The following NTRK2 variants were observed in gnomAD, a reference collection of about 807,000 sequenced individuals.
The protein encoded by NTRK2 is neurotrophic receptor tyrosine kinase 2, also known as BDNF/NT-3 growth factors receptor.
A neutral mutation model predicts 94.5 loss-of-function variants in NTRK2; 13 were observed. The observed-to-expected ratio is 0.14, with a 90% confidence interval of 0.09 to 0.22. NTRK2 has a LOEUF of 0.22. Ranked by LOEUF, NTRK2 falls within the 10% of genes least tolerant of loss-of-function variation. The pLI is 1.00. For missense variants in NTRK2, 639 were observed against 1,071.2 expected, an observed-to-expected ratio of 0.60 and a Z score of 5.63; for synonymous variants, 372 against 407.4, an observed-to-expected ratio of 0.91 and a Z score of 1.05.
chr9:84,676,967 G>T (rs1051855183), intron 2 of NTRK2, among the ~76,000 whole-genome samples: 1 of 151,794 alleles, frequency 6.6e-6, no homozygotes, highest in Non-Finnish European at 1.5e-5. Flanking sequence ...GTGAGTGTGT[G>T]TGTGTGTGTG....
chr9:84,722,662 G>A (rs571528763), intron 6 of NTRK2, among the ~76,000 whole-genome samples: 11 of 152,082 alleles, frequency 7.2e-5, no homozygotes, highest in East Asian at 1.9e-4. Flanking sequence ...ACATGCCTAC[G>A]TGTAAAAATT....
intron 12 of NTRK2, among the ~76,000 whole-genome samples, chr9:84,806,997 C>T (rs181102703): frequency 3.3e-4 from 51 of 152,352 alleles, no homozygotes; most frequent in Admixed American, 1.8e-3. Context: ...CACCATGCCA[C>T]GCAGATGCTC....
At chr9:84,729,952 G>A (rs891462895) in intron 9 of NTRK2, among the ~76,000 whole-genome samples, 15 of 152,142 alleles carry the variant, frequency 9.9e-5, no homozygotes, top group Non-Finnish European at 1.6e-4. Flanking sequence ...CATTTTCATT[G>A]ATCATTTCTG....
At chr9:84,877,138 C>T in intron 14 of NTRK2, 1 of 1,064,886 alleles carries the variant, frequency 9.4e-7, no homozygotes, top group African/African-American at 1.6e-5. Context: ...TATGCTCTGC[C>T]ACTTCCTACA....
chr9:84,711,472 G>C (rs2061414524), intron 6 of NTRK2, among the ~76,000 whole-genome samples: 1 of 152,204 alleles, frequency 6.6e-6, no homozygotes, highest in Non-Finnish European at 1.5e-5. Context: ...TTCTGCTTAG[G>C]ATTTTACTAG....
chr9:84,904,637 A>C (rs967693347), intron 14 of NTRK2, among the ~76,000 whole-genome samples: 3 of 152,326 alleles, frequency 2.0e-5, no homozygotes, highest in Admixed American at 2.0e-4. Flanking sequence ...TATTCTGTGA[A>C]GGTGTATGGG....
intron 12 of NTRK2, among the ~76,000 whole-genome samples, chr9:84,759,883 A>C (rs1442508044): frequency 2.6e-5 from 4 of 152,212 alleles, no homozygotes; most frequent in African/African-American, 9.6e-5. Context: ...AAAGCTTTTC[A>C]GAATTTATGA....
At chr9:84,944,270 T>G (rs1281164153) in intron 15 of NTRK2, among the ~76,000 whole-genome samples, 2 of 149,088 alleles carry the variant, frequency 1.3e-5, no homozygotes, top group Non-Finnish European at 3.0e-5. Context: ...CATTCTTTTT[T>G]TTTTTTTTTT....
At chr9:84,994,496 C>T in intron 17 of NTRK2, among the ~76,000 whole-genome samples, 1 of 152,178 alleles carries the variant, frequency 6.6e-6, no homozygotes, top group East Asian at 1.9e-4. Context: ...GAGGCAGGTT[C>T]CCCAGGCAGT....
intron 9 of NTRK2, among the ~76,000 whole-genome samples, chr9:84,733,480 C>T (rs1166955980): frequency 6.6e-6 from 1 of 152,160 alleles, no homozygotes; most frequent in Non-Finnish European, 1.5e-5. Flanking sequence ...CCTGGGCTAC[C>T]CCTTGCAGCG....
chr9:84,687,123 A>G (rs1160707226), intron 2 of NTRK2, among the ~76,000 whole-genome samples: 1 of 152,114 alleles, frequency 6.6e-6, no homozygotes, highest in East Asian at 1.9e-4. Flanking sequence ...CCTGTTGCTC[A>G]GGCCGGTCTT....
At chr9:84,898,206 G>A (rs1447073435) in intron 14 of NTRK2, among the ~76,000 whole-genome samples, 1 of 152,072 alleles carries the variant, frequency 6.6e-6, no homozygotes, top group East Asian at 1.9e-4. Context: ...CTGACTTCTG[G>A]GCTTGCAGAA....
At chr9:84,678,094 A>G (rs921551876) in intron 2 of NTRK2, among the ~76,000 whole-genome samples, 3 of 152,214 alleles carry the variant, frequency 2.0e-5, no homozygotes, top group African/African-American at 7.2e-5. Flanking sequence ...TGTTTTCATC[A>G]ATACATAAAT....
chr9:84,908,255 G>T (rs1010542442), intron 14 of NTRK2, among the ~76,000 whole-genome samples: 11 of 152,228 alleles, frequency 7.2e-5, no homozygotes, highest in African/African-American at 2.4e-4. Flanking sequence ...ATGACTCAAT[G>T]AGCAAGAAAA....
intron 8 of NTRK2, among the ~76,000 whole-genome samples, chr9:84,726,753 A>T (rs2062489400): frequency 6.6e-6 from 1 of 152,178 alleles, no homozygotes; most frequent in South Asian, 2.1e-4. Flanking sequence ...TCTTCATCTG[A>T]AAAAAATGAT....
Position 84,867,224 on chromosome 9 carries a change from T to C in NTRK2, c.1445-19T>C. ...AAGCCATTGATTACAGGAGAATATA[T>C]ATATTTTTCCATCTCCAGGCCCAGC... On this transcript the variant is annotated intron_variant, in intron 13 of 18. Transcript: ENST00000277120. The C allele has an allele frequency of 1.2e-6, 2 of 1,612,040 alleles. No individual in the cohort carries two copies. The highest frequency in any genetic ancestry group is 1.7e-6 in the Non-Finnish European group (2 of 1,178,316).
At chr9:84,926,572 T>C (rs2077828316) in intron 14 of NTRK2, among the ~76,000 whole-genome samples, 1 of 152,076 alleles carries the variant, frequency 6.6e-6, no homozygotes, top group Non-Finnish European at 1.5e-5. Flanking sequence ...CTGCTGTTCC[T>C]CTTTTGGAAA....
chr9:84,878,512 T>G (rs1302539844), intron 14 of NTRK2, among the ~76,000 whole-genome samples: 1 of 151,844 alleles, frequency 6.6e-6, no homozygotes. Context: ...CTCATGCCAG[T>G]AGTCCCAGCT....
rs202164539 is a variant in NTRK2 at position 84,876,749 on chromosome 9, C to T, written c.1633+9318C>T. On this transcript the variant is annotated intron_variant, in intron 14 of 18. Transcript: ENST00000277120. Reference sequence around the variant, plus strand: ...TTTCATTAGTGCCATTTCCTGATATCTACAGAAACAATTATCAATACATGT... The same window carrying T: ...TTTCATTAGTGCCATTTCCTGATATTTACAGAAACAATTATCAATACATGT... The T allele has an allele frequency of 7.4e-5, 78 of 1,061,110 alleles. No individual in the cohort carries two copies. In the African/African-American group the frequency reaches 1.1e-3, roughly 15 times the overall value. The allele number at this position is 1,061,110 out of a possible 1,614,324, so 65.7% of individuals were successfully genotyped here. A position where few individuals can be genotyped will look rare whatever the true frequency, so the allele number is the denominator to read the frequency against.
Sources: gnomAD v4.1 joint callset for allele counts (sites outside exome capture counted in the v4.1 genomes callset) on GRCh38, gnomAD v4.1.1 for gene constraint, MANE v1.5 for transcripts, NCBI Gene and HGNC (gene_info 2026-07-23, HGNC 2026-07-21) for gene names.